Variants in PIK3C2A observed in about 807,000 individuals in gnomAD.
The protein encoded by PIK3C2A is phosphatidylinositol-4-phosphate 3-kinase catalytic subunit type 2 alpha, also known as phosphatidylinositol 4-phosphate 3-kinase C2 domain-containing subunit alpha.
In PIK3C2A, 97 loss-of-function variants were observed where a neutral mutation model predicts 204.5. The ratio of observed to expected loss-of-function variants is 0.47; its 90% confidence interval spans 0.40 to 0.56. PIK3C2A has a LOEUF of 0.56. Ranked by LOEUF, PIK3C2A falls within the 20% of genes least tolerant of loss-of-function variation. PIK3C2A has a pLI of 0.00. For synonymous variants in PIK3C2A, 653 were observed against 664.4 expected, an observed-to-expected ratio of 0.98 and a Z score of 0.26; for missense variants, 1,735 against 1,969.2, an observed-to-expected ratio of 0.88 and a Z score of 2.25.
intron 1 of PIK3C2A, among the ~76,000 whole-genome samples, chr11:17,199,366 C>T (rs1311680967): frequency 6.6e-6 from 1 of 152,114 alleles, no homozygotes; most frequent in Non-Finnish European, 1.5e-5. Flanking sequence ...CCAGCAATTC[C>T]ACTCCTAGAT....
At chr11:17,186,169 T>TA (rs1851744176) in intron 1 of PIK3C2A, among the ~76,000 whole-genome samples, 1 of 152,168 alleles carries the variant, frequency 6.6e-6, no homozygotes, top group Admixed American at 6.6e-5. Context: ...CTGAATGGCT[T>TA]AATCCCTCGC....
At chr11:17,175,499 A>T (rs1851308191) in intron 1 of PIK3C2A, among the ~76,000 whole-genome samples, 1 of 152,200 alleles carries the variant, frequency 6.6e-6, no homozygotes, top group East Asian at 1.9e-4. Context: ...TTTGATGACA[A>T]ACATTTAGCA....
chr11:17,170,621 G>A (rs1051647695), intron 1 of PIK3C2A, among the ~76,000 whole-genome samples: 2 of 152,024 alleles, frequency 1.3e-5, no homozygotes, highest in Non-Finnish European at 2.9e-5. Context: ...TCATAGTTTA[G>A]CTTATAAAAA....
intron 27 of PIK3C2A, among the ~76,000 whole-genome samples, chr11:17,095,743 C>T (rs1007004213): frequency 2.0e-5 from 3 of 150,240 alleles, no homozygotes; most frequent in African/African-American, 7.3e-5. Context: ...GGCGAAACCC[C>T]ATCTCTACTA....
chr11:17,146,512 A>C (rs1208721387), intron 6 of PIK3C2A, among the ~76,000 whole-genome samples: 1 of 152,004 alleles, frequency 6.6e-6, no homozygotes, highest in African/African-American at 2.4e-5. Context: ...CAGGAGTTCG[A>C]GACCAGCCTG....
intron 1 of PIK3C2A, among the ~76,000 whole-genome samples, chr11:17,183,938 T>TAAA (rs773179143): frequency 7.6e-6 from 1 of 131,480 alleles, no homozygotes; most frequent in African/African-American, 2.8e-5. Context: ...GAACCCTCTT[T>TAAA]AAAAAAAAAA....
chr11:17,204,735 C>T (rs550820401), intron 1 of PIK3C2A, among the ~76,000 whole-genome samples: 4 of 152,250 alleles, frequency 2.6e-5, no homozygotes, highest in South Asian at 4.1e-4. Flanking sequence ...TCAGGCCCTC[C>T]GGCACTCTCA....
chr11:17,119,267 C>A lies in PIK3C2A; in HGVS notation c.2893G>T (p.Ala965Ser). Residue 965 changes from alanine to serine, a missense_variant, in exon 17 of 33, where the codon GCC (alanine) becomes TCC (serine). Around this residue, in one of 6 missense-constraint regions of PIK3C2A, gnomAD observed 567 missense variants for 576.0 expected, o/e 0.98. Coordinates refer to ENST00000691414, the MANE Select transcript of PIK3C2A (RefSeq NM_002645.4). ...VRSLAVTWIEAISDDELTDLL... is the reference protein window; with the variant it reads ...VRSLAVTWIESISDDELTDLL... ...TCTGTTAGCTCATCATCACTAATGG[C>A]CTCAATCCAGGTCACAGCTAGGGAT... 2 of 1,609,556 alleles carry A rather than the reference C, an allele frequency of 1.2e-6. No homozygotes were observed. The highest frequency in any genetic ancestry group is 1.7e-6 in the Non-Finnish European group (2 of 1,176,678).
At chr11:17,190,517 G>A (rs1413730051) in intron 1 of PIK3C2A, among the ~76,000 whole-genome samples, 1 of 150,850 alleles carries the variant, frequency 6.6e-6, no homozygotes, top group African/African-American at 2.4e-5. Flanking sequence ...GTTGCAGTGA[G>A]CCGAGATTGC....
In PIK3C2A at chr11:17,168,999, A is replaced by G; in HGVS notation, c.743T>C (p.Ile248Thr). Residue 248 changes from isoleucine to threonine, a missense_variant, in exon 2 of 33, where the codon ATA (isoleucine) becomes ACA (threonine). Coordinates refer to ENST00000691414, the MANE Select transcript of PIK3C2A (RefSeq NM_002645.4). ...TAGATTGCTGACTTTTGAATCTGTT[A>G]TCTCCAAATCAGTCCTTGCTTTCCC... ...KNGKARTDLE[I>T]TDSKVSNLQV... 5.0e-6 allele frequency: 8 copies of G among 1,613,670 alleles called. No homozygotes were observed. Among genetic ancestry groups the G allele is most frequent in the Non-Finnish European group, 6.8e-6 (8 of 1,179,900 alleles).
intron 1 of PIK3C2A, among the ~76,000 whole-genome samples, chr11:17,188,934 G>A (rs615424): frequency 0.25 from 36,957 of 146,708 alleles, 6,379 homozygotes; most frequent in East Asian, 0.38. Flanking sequence ...CTGCCCTCCT[G>A]AGGCAAGGGT....
At chr11:17,180,069 A>G (rs1851483679) in intron 1 of PIK3C2A, among the ~76,000 whole-genome samples, 1 of 152,218 alleles carries the variant, frequency 6.6e-6, no homozygotes, top group African/African-American at 2.4e-5. Flanking sequence ...TTTGGCAAAA[A>G]AGCACCAATG....
chr11:17,186,438 G>C (rs1471660477), intron 1 of PIK3C2A, among the ~76,000 whole-genome samples: 1 of 151,786 alleles, frequency 6.6e-6, no homozygotes, highest in Non-Finnish European at 1.5e-5. Flanking sequence ...CTCTAGTCCT[G>C]GAATAACAAA....
At position 17,091,668 on chromosome 11, in the gene PIK3C2A, A is replaced by C. The variant is rs760412283; in HGVS notation, c.4643-12T>G. 2 of 1,475,332 alleles carry C rather than the reference A, an allele frequency of 1.4e-6. No individual in the cohort carries two copies. Among genetic ancestry groups the C allele is most frequent in the Non-Finnish European group, 1.9e-6 (2 of 1,065,238 alleles). 91.4% of individuals were successfully genotyped at this position (1,475,332 alleles called of 1,614,324 possible). A position where few individuals can be genotyped will look rare whatever the true frequency, so the allele number is the denominator to read the frequency against. On this transcript the variant is annotated splice_polypyrimidine_tract_variant and intron_variant, in intron 30 of 32. Coordinates refer to ENST00000691414, the MANE Select transcript of PIK3C2A (RefSeq NM_002645.4). ...GAAGGAACCTGCATCTGAAAATACA[A>C]ATATTTTCATCTTTATTTACTGGTT...
At chr11:17,172,250 T>C (rs1851197257) in intron 1 of PIK3C2A, among the ~76,000 whole-genome samples, 1 of 152,198 alleles carries the variant, frequency 6.6e-6, no homozygotes, top group Non-Finnish European at 1.5e-5. Flanking sequence ...ACCAATGAAA[T>C]GGAAGTGACA....
rs576945514 is a variant in PIK3C2A at position 17,160,764 on chromosome 11, C to T, written c.1066-5135G>A. ...GCTCGAACCCAGGAGACAGAGGTTG[C>T]AGTTAGCCGAGGTTGCACCATTACA... On this transcript the variant is annotated intron_variant, in intron 2 of 32. Transcript: ENST00000691414. Among the ~76,000 whole-genome samples, 226 of 142,222 alleles carry T rather than the reference C, an allele frequency of 1.6e-3. 1 individual carries two copies. The highest frequency in any genetic ancestry group is 7.2e-3 in the Middle Eastern group (2 of 276). 93.3% of individuals were successfully genotyped at this position (142,222 alleles called of 152,430 possible).
intron 11 of PIK3C2A, 98 bp downstream of exon 11, chr11:17,134,721 C>G: frequency 1.1e-6 from 1 of 888,924 alleles, no homozygotes; most frequent in Non-Finnish European, 1.8e-6. Context: ...GGCTGGTCTC[C>G]AACTCCTGGG....
At chr11:17,148,508 T>G (rs1850322549) in intron 5 of PIK3C2A, 159 bp downstream of exon 5, 2 of 639,446 alleles carry the variant, frequency 3.1e-6, no homozygotes, top group Non-Finnish European at 5.2e-6. Context: ...CATGACATCT[T>G]AGACATTATA....
At chr11:17,168,067 G>A (rs1260111548) in intron 2 of PIK3C2A, among the ~76,000 whole-genome samples, 2 of 151,886 alleles carry the variant, frequency 1.3e-5, no homozygotes, top group East Asian at 1.9e-4. Context: ...TATGTAATGA[G>A]GAGACATGGA....
Sources: allele counts gnomAD v4.1 joint callset (sites outside exome capture counted in the v4.1 genomes callset), GRCh38; gene constraint gnomAD v4.1.1; regional missense constraint gnomAD v4.1.1; transcripts MANE v1.5; gene names NCBI Gene and HGNC (gene_info 2026-07-23, HGNC 2026-07-21).